Variants in CMTM8 observed in about 807,000 individuals in gnomAD.
CMTM8 encodes CKLF-like MARVEL transmembrane domain-containing protein 8.
A neutral mutation model predicts 18.6 loss-of-function variants in CMTM8; 12 were observed. That is an observed-to-expected ratio of 0.65 (90% CI 0.41 to 1.05). The LOEUF is 1.05. Among genes scored for constraint, CMTM8 ranks in the 50% least tolerant of loss-of-function variants. The probability of loss-of-function intolerance (pLI) is 0.00; values close to 1 mark genes in which losing one functional copy is unlikely to be tolerated. For missense variants in CMTM8, 217 were observed against 227.2 expected (o/e 0.95, Z 0.29); for synonymous variants, 87 against 90.6 (o/e 0.96, Z 0.23).
chr3:32,367,424 A>G (rs2278540), intron 2 of CMTM8, among the ~76,000 whole-genome samples: 47,273 of 152,026 alleles, frequency 0.31, 7,464 homozygotes, highest in East Asian at 0.53. Context: ...GGGTTAGGGA[A>G]TCAGCTGGGC....
chr3:32,271,126 T>G (rs540962065), intron 1 of CMTM8, among the ~76,000 whole-genome samples: 1 of 152,316 alleles, frequency 6.6e-6, no homozygotes, highest in East Asian at 1.9e-4. Flanking sequence ...ACTATCCTGT[T>G]TTTTTATTTG....
chr3:32,244,134 A>T (rs1367024225), intron 1 of CMTM8: 1 of 152,964 alleles, frequency 6.5e-6, no homozygotes, highest in Middle Eastern at 3.0e-3. Context: ...AGAAGGTTTG[A>T]TAGTTTCTGG....
At chr3:32,259,391 C>T in intron 1 of CMTM8, 1 of 859,216 alleles carries the variant, frequency 1.2e-6, no homozygotes, top group Non-Finnish European at 2.0e-6. Flanking sequence ...CCGCATTGTT[C>T]TGCAGATTGA....
chr3:32,369,064 TC>T (rs1203378697), intron 3 of CMTM8, among the ~76,000 whole-genome samples: 1 of 152,126 alleles, frequency 6.6e-6, no homozygotes, highest in African/African-American at 2.4e-5. Context: ...ATCCCAGCAC[TC>T]TGGGAGGCCT....
At chr3:32,322,013 C>A (rs1412096407) in intron 1 of CMTM8, among the ~76,000 whole-genome samples, 3 of 152,226 alleles carry the variant, frequency 2.0e-5, no homozygotes, top group Non-Finnish European at 1.5e-5. Context: ...CCTGTGAAGC[C>A]TAAACCGTTC....
chr3:32,335,745 C>T (rs183796655), intron 1 of CMTM8, among the ~76,000 whole-genome samples: 28 of 152,210 alleles, frequency 1.8e-4, no homozygotes, highest in Middle Eastern at 3.4e-3. Context: ...TCTGATAACC[C>T]GGGAATTTCA....
At chr3:32,273,171 A>G (rs1001505567) in intron 1 of CMTM8, among the ~76,000 whole-genome samples, 2 of 93,462 alleles carry the variant, frequency 2.1e-5, no homozygotes, top group Non-Finnish European at 4.6e-5. Flanking sequence ...GTACGTGCCC[A>G]GGCTGGTCTC....
At chr3:32,318,585 G>A (rs1413668609) in intron 1 of CMTM8, among the ~76,000 whole-genome samples, 4 of 48,468 alleles carry the variant, frequency 8.3e-5, no homozygotes, top group African/African-American at 2.8e-4. Flanking sequence ...TTTTTTTTTT[G>A]AGACAGAGTC....
chr3:32,326,968 CTATT>C (rs1696171169), intron 1 of CMTM8, among the ~76,000 whole-genome samples: 1 of 152,154 alleles, frequency 6.6e-6, no homozygotes, highest in African/African-American at 2.4e-5. Context: ...TGCTAGTTTT[CTATT>C]TATCTCCCTG....
intron 1 of CMTM8, among the ~76,000 whole-genome samples, chr3:32,242,897 G>A (rs1393294983): frequency 1.3e-5 from 2 of 149,354 alleles, no homozygotes; most frequent in East Asian, 4.0e-4. Context: ...TGGTTCAGTT[G>A]CCCAGGCTGG....
intron 1 of CMTM8, among the ~76,000 whole-genome samples, chr3:32,280,846 CAAAAAAAAAA>C (rs60845487): frequency 2.9e-5 from 2 of 68,168 alleles, no homozygotes; most frequent in African/African-American, 6.2e-5. Context: ...AGAAAATAGG[CAAAAAAAAAA>C]AAAAAAAAAA....
intron 1 of CMTM8, among the ~76,000 whole-genome samples, chr3:32,308,134 G>C (rs1025165013): frequency 5.3e-5 from 8 of 152,134 alleles, no homozygotes; most frequent in Non-Finnish European, 8.8e-5. Flanking sequence ...CATCCTTTCA[G>C]GATGAAAGAG....
At chr3:32,249,336 G>C (rs1477484635) in intron 1 of CMTM8, among the ~76,000 whole-genome samples, 1 of 151,684 alleles carries the variant, frequency 6.6e-6, no homozygotes, top group Non-Finnish European at 1.5e-5. Context: ...AGGCTGAAGT[G>C]GGGGGATCAC....
intron 1 of CMTM8, among the ~76,000 whole-genome samples, chr3:32,264,180 A>C (rs1702298664): frequency 3.3e-5 from 5 of 152,234 alleles, no homozygotes; most frequent in Admixed American, 3.3e-4. Context: ...GAAGGAAAAA[A>C]TGTTAAGGGC....
Position 32,272,136 on chromosome 3 carries a change from A to G in CMTM8, c.147+33017A>G, listed in dbSNP as rs904355200. On this transcript the variant is annotated intron_variant, in intron 1 of 3. Transcript: ENST00000307526. ...GTTATTTTTGTCTCAGTGCATTTGA[A>G]AGTATCATTCTTCTATCTTACTGGT... Among the ~76,000 whole-genome samples the G allele has an allele frequency of 2.0e-5, 3 of 152,190 alleles. No homozygotes were observed. The East Asian group carries it at 5.8e-4, about 29-fold the overall frequency.
At chr3:32,239,885 C>A (rs1701924192) in intron 1 of CMTM8, among the ~76,000 whole-genome samples, 1 of 152,140 alleles carries the variant, frequency 6.6e-6, no homozygotes, top group African/African-American at 2.4e-5. Flanking sequence ...TGTCCTCATA[C>A]CCTCGTGTAA....
At chr3:32,284,483 C>G (rs1269816771) in intron 1 of CMTM8, among the ~76,000 whole-genome samples, 1 of 152,146 alleles carries the variant, frequency 6.6e-6, no homozygotes, top group Admixed American at 6.5e-5. Context: ...CCAGCCTTTG[C>G]ATTATATCTC....
At chr3:32,284,717 T>C (rs1480318410) in intron 1 of CMTM8, among the ~76,000 whole-genome samples, 1 of 152,166 alleles carries the variant, frequency 6.6e-6, no homozygotes, top group Non-Finnish European at 1.5e-5. Flanking sequence ...ACTCAATAAA[T>C]ATTTTACTGT....
intron 1 of CMTM8, among the ~76,000 whole-genome samples, chr3:32,308,003 C>T (rs1445703720): frequency 6.6e-6 from 1 of 152,190 alleles, no homozygotes; most frequent in Admixed American, 6.5e-5. Flanking sequence ...CTGAGATACC[C>T]AGTTAAGACC....
Sources: allele counts gnomAD v4.1 joint callset (sites outside exome capture counted in the v4.1 genomes callset), GRCh38; gene constraint gnomAD v4.1.1; transcripts MANE v1.5; gene names NCBI Gene and HGNC (gene_info 2026-07-23, HGNC 2026-07-21).